The following MBNL2 variants were observed in gnomAD, a reference collection of about 807,000 sequenced individuals.
MBNL2 encodes muscleblind like splicing regulator 2, also known as muscleblind-like protein 2.
A neutral mutation model predicts 41.9 loss-of-function variants in MBNL2; 17 were observed. The ratio of observed to expected loss-of-function variants is 0.41; its 90% CI spans 0.28 to 0.61. MBNL2 has a LOEUF of 0.61. MBNL2 is among the 20% of genes least tolerant of loss of function. The pLI is 0.35. For missense variants in MBNL2, 336 were observed against 505.6 expected (o/e 0.66, Z 3.22); for synonymous variants, 195 against 182.9 (o/e 1.07, Z -0.53).
chr13:97,242,280 A>G (rs891860235), intron 1 of MBNL2, among the ~76,000 whole-genome samples: 1 of 152,140 alleles, frequency 6.6e-6, no homozygotes, highest in Non-Finnish European at 1.5e-5. Flanking sequence ...ACGTGGCTCA[A>G]ATATGTTGCT....
chr13:97,163,233 A>T, the MBNL2 span, among the ~76,000 whole-genome samples: 2 of 152,160 alleles, frequency 1.3e-5, no homozygotes, highest in African/African-American at 4.8e-5. Flanking sequence ...TCTCCAGGCT[A>T]TAATATTTGT....
chr13:97,381,136 A>G (rs1274526549), intron 8 of MBNL2, among the ~76,000 whole-genome samples: 2 of 150,712 alleles, frequency 1.3e-5, no homozygotes, highest in East Asian at 3.9e-4. Flanking sequence ...ACACACACAC[A>G]CCACACACAG....
At chr13:97,362,747 G>A (rs1289787268) in intron 7 of MBNL2, among the ~76,000 whole-genome samples, 3 of 152,134 alleles carry the variant, frequency 2.0e-5, no homozygotes, top group African/African-American at 4.8e-5. Context: ...AAGGAGGGAC[G>A]AGAATGGAAG....
chr13:97,323,843 T>C (rs1333662647), intron 2 of MBNL2, among the ~76,000 whole-genome samples: 1 of 152,212 alleles, frequency 6.6e-6, no homozygotes, highest in African/African-American at 2.4e-5. Flanking sequence ...GATGTGTTGA[T>C]ACAGACATGC....
chr13:97,386,886 G>A (rs998697058), intron 8 of MBNL2, among the ~76,000 whole-genome samples: 2 of 151,748 alleles, frequency 1.3e-5, no homozygotes, highest in African/African-American at 4.8e-5. Flanking sequence ...TGATATTTTT[G>A]CATCAGAGAT....
chr13:97,259,265 A>G (rs1465184057), intron 1 of MBNL2, among the ~76,000 whole-genome samples: 1 of 152,098 alleles, frequency 6.6e-6, no homozygotes, highest in Non-Finnish European at 1.5e-5. Context: ...GGCATTCTCT[A>G]TATATTCTGT....
intron 8 of MBNL2, among the ~76,000 whole-genome samples, chr13:97,387,321 C>G (rs192432693): frequency 1.2e-4 from 19 of 152,278 alleles, no homozygotes; most frequent in Non-Finnish European, 2.6e-4. Context: ...TAAGCAGACA[C>G]GTTTGCAACA....
At chr13:97,316,898 G>A (rs1003137635) in intron 2 of MBNL2, among the ~76,000 whole-genome samples, 2 of 152,166 alleles carry the variant, frequency 1.3e-5, no homozygotes, top group African/African-American at 4.8e-5. Flanking sequence ...GGCCATTTGT[G>A]AGTTTTGTTG....
At chr13:97,361,475 C>T (rs916817464) in intron 7 of MBNL2, among the ~76,000 whole-genome samples, 1 of 152,096 alleles carries the variant, frequency 6.6e-6, no homozygotes, top group Non-Finnish European at 1.5e-5. Context: ...CAGAATCTGG[C>T]ATTAAGGGAG....
intron 8 of MBNL2, among the ~76,000 whole-genome samples, chr13:97,368,245 AC>A (rs1349450545): frequency 6.6e-6 from 1 of 152,024 alleles, no homozygotes; most frequent in Non-Finnish European, 1.5e-5. Context: ...TCTGGTCTCT[AC>A]AAAAATATGA....
At chr13:97,288,844 A>G (rs867257725) in intron 2 of MBNL2, among the ~76,000 whole-genome samples, 1 of 152,210 alleles carries the variant, frequency 6.6e-6, no homozygotes, top group Non-Finnish European at 1.5e-5. Flanking sequence ...GAATGAGTAG[A>G]TATTGACATA....
chr13:97,380,033 A>G (rs902877333), intron 8 of MBNL2, among the ~76,000 whole-genome samples: 4 of 152,342 alleles, frequency 2.6e-5, no homozygotes, highest in Admixed American at 6.5e-5. Flanking sequence ...ATCTTATAGT[A>G]TAAAATGGTT....
intron 2 of MBNL2, among the ~76,000 whole-genome samples, chr13:97,320,353 G>A (rs1168443970): frequency 4.7e-5 from 7 of 150,012 alleles, no homozygotes; most frequent in African/African-American, 7.4e-5. Context: ...TCCGCCTCCC[G>A]GGTTCAAGAG....
At chr13:97,241,001 A>G (rs991642615) in intron 1 of MBNL2, among the ~76,000 whole-genome samples, 3 of 152,136 alleles carry the variant, frequency 2.0e-5, no homozygotes, top group South Asian at 4.1e-4. Flanking sequence ...TGACTGACTG[A>G]CTGAATGAAT....
chr13:97,370,894 A>C (rs2064309092), intron 8 of MBNL2, among the ~76,000 whole-genome samples: 1 of 152,152 alleles, frequency 6.6e-6, no homozygotes, highest in Non-Finnish European at 1.5e-5. Flanking sequence ...AACAAAAAAA[A>C]TTGGTTGGGG....
chr13:97,222,714 A>T (rs1027252005), intron 1 of MBNL2, among the ~76,000 whole-genome samples, 183 bp downstream of exon 1: 1 of 152,208 alleles, frequency 6.6e-6, no homozygotes. Context: ...CAAAGCTTGA[A>T]TCTATGCCGC....
rs931614059 is a variant in MBNL2, at chr13:97,392,831, G to A, written c.*1382G>A. On this transcript the variant is annotated 3_prime_UTR_variant, in exon 9 of 9. Transcript: ENST00000679496. ...AACAGCTGTTATAAATGAATATTAT[G>A]TGTAATTGTTTCAAACATCCATTTT... The A allele has an allele frequency of 6.6e-6, 1 of 152,356 alleles. No homozygotes were observed. Among genetic ancestry groups the A allele is most frequent in the African/African-American group, 2.4e-5 (1 of 41,412 alleles). 9.4% of individuals were successfully genotyped at this position (152,356 alleles called of 1,614,324 possible).
At chr13:97,289,702 G>A (rs1437144102) in intron 2 of MBNL2, among the ~76,000 whole-genome samples, 2 of 152,168 alleles carry the variant, frequency 1.3e-5, no homozygotes, top group Non-Finnish European at 2.9e-5. Flanking sequence ...GAGAGGCGAG[G>A]ACCTTGCTTT....
At chr13:97,362,144 A>ATT (rs76732656) in intron 7 of MBNL2, among the ~76,000 whole-genome samples, 3 of 150,840 alleles carry the variant, frequency 2.0e-5, no homozygotes, top group Admixed American at 2.0e-4. Flanking sequence ...CAGATTTTGG[A>ATT]TTTTTTTTTC....
Sources: allele counts gnomAD v4.1 joint callset (sites outside exome capture counted in the v4.1 genomes callset), GRCh38; gene constraint gnomAD v4.1.1; transcripts MANE v1.5; gene names NCBI Gene and HGNC (gene_info 2026-07-23, HGNC 2026-07-21).